FAT4: variants seen among roughly 807,000 people sequenced by gnomAD.
FAT4 encodes FAT atypical cadherin 4, also known as protocadherin Fat 4.
Under a neutral mutation model 303.9 loss-of-function variants are expected in FAT4, and 84 were observed. That is an observed-to-expected ratio of 0.28 (90% CI 0.23 to 0.33). FAT4 has a LOEUF of 0.33. Among genes scored for constraint, FAT4 ranks in the 10% least tolerant of loss-of-function variants. FAT4 has a pLI of 1.00. For missense variants in FAT4, 6,005 were observed against 6,146.8 expected, an observed-to-expected ratio of 0.98 and a Z score of 0.77; for synonymous variants, 2,307 against 2,298.8, an observed-to-expected ratio of 1.00 and a Z score of -0.10.
At position 125,321,181 on chromosome 4, in the gene FAT4, G is replaced by A; in HGVS notation, c.4770G>A (p.Leu1590=). 1 of 1,614,108 alleles carries A rather than the reference G, an allele frequency of 6.2e-7. No homozygotes were observed. The highest frequency in any genetic ancestry group is 1.1e-5 in the South Asian group (1 of 91,086). Residue 1590 remains leucine, a synonymous_variant, in exon 2 of 18, where the codon TTG becomes TTA. Coordinates refer to ENST00000394329, the MANE Select transcript of FAT4 (RefSeq NM_001291303.3). Reference sequence around the variant, plus strand: ...GAGACCTGAGAGTGGCTTCAGCGTTGGTGCCTTCACAGTTGATCTACAATC... The same window carrying A: ...GAGACCTGAGAGTGGCTTCAGCGTTAGTGCCTTCACAGTTGATCTACAATC... ...YSGDLRVASA[L]VPSQLIYNLI...
chr4:125,412,922 A>G (rs1012014625), intron 5 of FAT4, among the ~76,000 whole-genome samples: 1 of 151,806 alleles, frequency 6.6e-6, no homozygotes, highest in African/African-American at 2.4e-5. Flanking sequence ...TGGGGATTCA[A>G]TATTTACTGA....
chr4:125,450,481 G>T lies in FAT4; in HGVS notation c.9471G>T (p.Glu3157Asp). 1 of 1,614,074 alleles carries T rather than the reference G, an allele frequency of 6.2e-7. No homozygotes were observed. Among genetic ancestry groups the T allele is most frequent in the Non-Finnish European group, 8.5e-7 (1 of 1,179,986 alleles). ...CACTAGCCAAAGCTCTTGATTATGA[G>T]CTATGCCAGAAACACGAAATGACGA... The part of the protein sequence containing the change: ...ILTLAKALDY[E>D]LCQKHEMTIS... The change falls in exon 10 of 18, where the codon GAG becomes GAT. Residue 3157 changes from glutamate to aspartate, a missense_variant. Transcript: ENST00000394329.
intron 12 of FAT4, among the ~76,000 whole-genome samples, chr4:125,474,242 AT>A (rs889430143): frequency 6.6e-6 from 1 of 152,068 alleles, no homozygotes; most frequent in African/African-American, 2.4e-5. Flanking sequence ...TAATTGAGGC[AT>A]TTATAAATAT....
chr4:125,490,164 G>A lies in FAT4; in HGVS notation c.13348G>A (p.Gly4450Ser), dbSNP rs751633158. 14 of 1,613,936 alleles carry A rather than the reference G, an allele frequency of 8.7e-6. No individual in the cohort carries two copies. The highest frequency in any genetic ancestry group is 3.3e-5 in the South Asian group (3 of 91,080). The change falls in exon 18 of 18, where the codon GGC becomes AGC. Residue 4450 changes from glycine to serine, a missense_variant. By Grantham distance (56) the Gly-to-Ser change is moderately conservative. Transcript: ENST00000394329. ...CAGCTGTGAGCCAGGCCTGCACTCC[G>A]GCTTCACCTGTAGCTGCCCAGACTC... ...GGSCEPGLHS[G>S]FTCSCPDSHT...
At chr4:125,335,954 G>A (rs906096673) in intron 2 of FAT4, among the ~76,000 whole-genome samples, 4 of 151,952 alleles carry the variant, frequency 2.6e-5, no homozygotes, top group Non-Finnish European at 5.9e-5. Flanking sequence ...ATTTACTTTT[G>A]TTGATGCTAC....
intron 2 of FAT4, among the ~76,000 whole-genome samples, chr4:125,332,778 C>T (rs921932269): frequency 1.3e-5 from 2 of 152,092 alleles, no homozygotes; most frequent in Non-Finnish European, 2.9e-5. Flanking sequence ...TCTTTCGAAA[C>T]TACTCTTTAA....
rs1385828908 is a variant in FAT4, at chr4:125,450,980, G to T, written c.9970G>T (p.Ala3324Ser). ...PKGTIVGEVF[A>S]SDRDLGTDGE... ...AGGTACTATTGTTGGAGAAGTGTTT[G>T]CTAGCGACCGTGATTTGGGCACTGA... The change falls in exon 10 of 18, where the codon GCT becomes TCT. Residue 3324 changes from alanine to serine, a missense_variant. Coordinates refer to ENST00000394329, the MANE Select transcript of FAT4 (RefSeq NM_001291303.3). 6.2e-7 allele frequency: 1 copy of T among 1,614,152 alleles called. No individual in the cohort carries two copies. The highest frequency in any genetic ancestry group is 1.7e-5 in the Admixed American group (1 of 60,020).
chr4:125,428,565 T>G (rs1725172817), intron 7 of FAT4, among the ~76,000 whole-genome samples: 1 of 152,202 alleles, frequency 6.6e-6, no homozygotes, highest in Admixed American at 6.5e-5. Context: ...AATTTTAAGA[T>G]ATGCCATTCA....
In FAT4 at chr4:125,450,834, T is replaced by G. The variant is rs1003091170; in HGVS notation, c.9824T>G (p.Val3275Gly). The change falls in exon 10 of 18, where the codon GTC (valine) becomes GGC (glycine). Residue 3275 changes from valine to glycine, a missense_variant. Transcript: ENST00000394329. ...SYHLTVKAFN[V>G]PDEERCSFAT... ...CATCTTACTGTGAAAGCCTTCAATG[T>G]CCCCGATGAGGAAAGGTGTAGCTTT... 5 of 1,613,982 alleles carry G rather than the reference T, an allele frequency of 3.1e-6. No individual in the cohort carries two copies. The Admixed American group carries it at 5.0e-5, about 16-fold the overall frequency.
rs572556236 is a variant in FAT4, at chr4:125,337,958, C to G, written c.5175+16372C>G. 7.2e-5 allele frequency among the ~76,000 whole-genome samples: 11 copies of G among 152,224 alleles called. 1 individual carries two copies. The South Asian group carries it at 1.5e-3, about 20-fold the overall frequency. ...CACAGAGCAGCTTTGAGAAACAAAACTTAAAAATGCACCCATGATACTCAC... is the reference window on the plus strand; with the variant it reads ...CACAGAGCAGCTTTGAGAAACAAAAGTTAAAAATGCACCCATGATACTCAC... On this transcript the variant is annotated intron_variant, in intron 2 of 17. Coordinates refer to ENST00000394329, the MANE Select transcript of FAT4 (RefSeq NM_001291303.3).
intron 4 of FAT4, among the ~76,000 whole-genome samples, chr4:125,407,616 G>A (rs1052125014): frequency 6.6e-6 from 1 of 152,088 alleles, no homozygotes; most frequent in Non-Finnish European, 1.5e-5. Context: ...TTAGAGTTAA[G>A]GTAAAGGATA....
rs754225010 is a variant in FAT4 at position 125,321,381 on chromosome 4, G to C, written c.4970G>C (p.Arg1657Thr). ...ATATCAATAGAAGCAGCTAGCCCCA[G>C]AGGATCTGAGGCCCCAGTGGAGTAT... Reference protein sequence around the residue: ...NVISIEAASPRGSEAPVEYYI... With the variant: ...NVISIEAASPTGSEAPVEYYI... The change falls in exon 2 of 18, where the codon AGA (arginine) becomes ACA (threonine). Residue 1657 changes from arginine (R) to threonine (T), a missense_variant. Arg to Thr is a moderately conservative substitution (Grantham distance 71). Coordinates refer to ENST00000394329, the MANE Select transcript of FAT4 (RefSeq NM_001291303.3). 3.1e-6 allele frequency: 5 copies of C among 1,614,134 alleles called. No individual in the cohort carries two copies. Among genetic ancestry groups the C allele is most frequent in the Non-Finnish European group, 4.2e-6 (5 of 1,179,992 alleles).
chr4:125,451,879 T>C lies in FAT4; in HGVS notation c.10869T>C (p.Val3623=). 1 of 1,614,080 alleles carries C rather than the reference T, an allele frequency of 6.2e-7. No individual in the cohort carries two copies. The highest frequency in any genetic ancestry group is 8.5e-7 in the Non-Finnish European group (1 of 1,180,006). The part of the protein sequence containing the change: ...PSQSRTVEIF[V]NYYGNLFPGG... ...AGTCTCGGACGGTGGAGATATTTGT[T>C]AATTATTATGGTAACTTGTTTCCCG... The change falls in exon 10 of 18, where the codon GTT becomes GTC. Residue 3623 remains valine (V), a synonymous_variant. Coordinates refer to ENST00000394329, the MANE Select transcript of FAT4 (RefSeq NM_001291303.3).
At chr4:125,428,689 T>A (rs1475855973) in intron 7 of FAT4, among the ~76,000 whole-genome samples, 1 of 152,254 alleles carries the variant, frequency 6.6e-6, no homozygotes, top group Non-Finnish European at 1.5e-5. Context: ...TGCATACATA[T>A]GTACACACAC....
chr4:125,490,924 A>G lies in FAT4; in HGVS notation c.14108A>G (p.His4703Arg). Residue 4703 changes from histidine to arginine, a missense_variant, in exon 18 of 18, where the codon CAC (histidine) becomes CGC (arginine). By Grantham distance (29) the His-to-Arg change is conservative. Transcript: ENST00000394329. ...ACPTPNPLSR[H>R]SPAPFSKSST... ...CCAACTCCCAACCCTCTGTCTCGAC[A>G]CAGTCCAGCCCCTTTCTCCAAATCT... 6.2e-7 allele frequency: 1 copy of G among 1,614,198 alleles called. No individual in the cohort carries two copies. The highest frequency in any genetic ancestry group is 1.1e-5 in the South Asian group (1 of 91,080).
At chr4:125,349,985 A>G (rs1038775550) in intron 2 of FAT4, among the ~76,000 whole-genome samples, 1 of 151,750 alleles carries the variant, frequency 6.6e-6, no homozygotes, top group Non-Finnish European at 1.5e-5. Context: ...TTTTTTATGT[A>G]TGGATCTATT....
chr4:125,486,186 A>T (rs1727405372), intron 16 of FAT4, among the ~76,000 whole-genome samples: 2 of 151,526 alleles, frequency 1.3e-5, no homozygotes, highest in East Asian at 1.9e-4. Flanking sequence ...AACCAAAGAA[A>T]GTTGCTGTTT....
At chr4:125,325,642 A>G (rs1180686866) in intron 2 of FAT4, among the ~76,000 whole-genome samples, 1 of 152,224 alleles carries the variant, frequency 6.6e-6, no homozygotes, top group Non-Finnish European at 1.5e-5. Context: ...TTGTGCACAT[A>G]TTGCTTTGTG....
intron 2 of FAT4, among the ~76,000 whole-genome samples, chr4:125,362,346 C>T (rs930301736): frequency 1.6e-4 from 25 of 152,028 alleles, no homozygotes; most frequent in African/African-American, 4.3e-4. Context: ...TGTAAGAGAA[C>T]ATTCTGAGAA....
Sources: allele counts gnomAD v4.1 joint callset (sites outside exome capture counted in the v4.1 genomes callset), GRCh38; gene constraint gnomAD v4.1.1; transcripts MANE v1.5; gene names NCBI Gene and HGNC (gene_info 2026-07-23, HGNC 2026-07-21).